AMHR2: variants seen among roughly 807,000 people sequenced by gnomAD.
AMHR2 encodes the protein anti-Muellerian hormone type-2 receptor.
A neutral mutation model predicts 61.4 loss-of-function variants in AMHR2; 36 were observed. The ratio of observed to expected loss-of-function variants is 0.59; its 90% CI spans 0.45 to 0.77. The LOEUF is 0.77. Among genes scored for constraint, AMHR2 ranks in the 30% least tolerant of loss-of-function variants. The probability of loss-of-function intolerance (pLI) is 0.00; values close to 1 mark genes in which losing one functional copy is unlikely to be tolerated. For missense variants in AMHR2, 638 were observed against 714.6 expected (o/e 0.89, Z 1.22); for synonymous variants, 258 against 279.4 (o/e 0.92, Z 0.76).
chr12:53,431,598 G>T lies in AMHR2; in HGVS notation c.*125G>T. The T allele has an allele frequency of 8.1e-7, 1 of 1,236,466 alleles. No individual in the cohort carries two copies. Among genetic ancestry groups the T allele is most frequent in the Non-Finnish European group, 1.2e-6 (1 of 860,924 alleles). The allele number at this position is 1,236,466 out of a possible 1,614,324, so 76.6% of individuals were successfully genotyped here. ...CCTTGGATTCTTCTGCGGGCATCCA[G>T]TCCACATCAGTTCTGACCAGTGACT... On this transcript the variant is annotated 3_prime_UTR_variant, in exon 11 of 11. Coordinates refer to ENST00000257863, the MANE Select transcript of AMHR2 (RefSeq NM_020547.3).
rs967541474 is a variant in AMHR2 at position 53,424,728 on chromosome 12, G to A, written c.252G>A (p.Glu84=). ...CATCAGGATGCCGAGACAGTGATGA[G>A]CCAGGCTGTGAGTCCCTCCACTGTG... ...VEMQGCRDSD[E]PGCESLHCDP... The change falls in exon 3 of 11, where the codon GAG becomes GAA. Residue 84 remains glutamate, a synonymous_variant. Coordinates refer to ENST00000257863, the MANE Select transcript of AMHR2 (RefSeq NM_020547.3). 5.6e-6 allele frequency: 9 copies of A among 1,613,596 alleles called. No individual in the cohort carries two copies. In the Admixed American group the frequency reaches 1.3e-4, roughly 24 times the overall value.
At chr12:53,425,075 T>G (rs1270535174) in intron 3 of AMHR2, 90 bp from the exon 4 acceptor site, 35 of 1,598,978 alleles carry the variant, frequency 2.2e-5, no homozygotes, top group Non-Finnish European at 2.9e-5. Flanking sequence ...AGGGTGGGGG[T>G]GGGTTGAGAC....
chr12:53,429,725 T>C (rs1198219548), intron 8 of AMHR2, 100 bp downstream of exon 8: 94 of 1,598,354 alleles, frequency 5.9e-5, no homozygotes, highest in Non-Finnish European at 7.8e-5. Context: ...ACCTATAGCA[T>C]TTGGGACATT....
In AMHR2 at chr12:53,425,247, T is replaced by C. The variant is rs748624274; in HGVS notation, c.502+5T>C. The C allele has an allele frequency of 4.3e-6, 7 of 1,613,412 alleles. No individual in the cohort carries two copies. In the East Asian group the frequency reaches 1.1e-4, roughly 26 times the overall value. On this transcript the variant is annotated splice_donor_5th_base_variant and intron_variant, in intron 4 of 10. Coordinates refer to ENST00000257863, the MANE Select transcript of AMHR2 (RefSeq NM_020547.3). Reference sequence around the variant, plus strand: ...TGCTGGGCAGCATCATCTTGGGTACTAATCCACCCCATCCCTCCCTTGTGA... The same window carrying C: ...TGCTGGGCAGCATCATCTTGGGTACCAATCCACCCCATCCCTCCCTTGTGA...
At chr12:53,428,759 G>A (rs1939833570) in intron 6 of AMHR2, 137 bp from the exon 7 acceptor site, 1 of 713,390 alleles carries the variant, frequency 1.4e-6, no homozygotes, top group Non-Finnish European at 2.5e-6. Context: ...TCTACCTATT[G>A]TCTTGGCCAG....
In AMHR2 at chr12:53,424,754, ACCCAAGTC is replaced by A. The variant is rs761339798; in HGVS notation, c.282_289del (p.Arg97ProfsTer15). On this transcript the variant is annotated frameshift_variant, in exon 3 of 11. Coordinates refer to ENST00000257863, the MANE Select transcript of AMHR2 (RefSeq NM_020547.3). LOFTEE classifies it high-confidence loss of function. The stretch of plus-strand genomic sequence containing the variant: ...CCAGGCTGTGAGTCCCTCCACTGTG[ACCCAAGTC>A]CCCGAGCCCACCCCAGCCCTGGCTC... 3.7e-6 allele frequency: 6 copies of A among 1,613,292 alleles called. No homozygotes were observed. In the African/African-American group the frequency reaches 8.0e-5, roughly 22 times the overall value.
In AMHR2 at chr12:53,431,563, C is replaced by T; in HGVS notation, c.*90C>T. On this transcript the variant is annotated 3_prime_UTR_variant, in exon 11 of 11. Transcript: ENST00000257863. Reference sequence around the variant, plus strand: ...GTCTGCCTCATCACTGCATTTCCCACCTGCCGAATCCTTGGATTCTTCTGC... The same window carrying T: ...GTCTGCCTCATCACTGCATTTCCCATCTGCCGAATCCTTGGATTCTTCTGC... 6.5e-7 allele frequency: 1 copy of T among 1,529,110 alleles called. No individual in the cohort carries two copies. 94.7% of individuals were successfully genotyped at this position (1,529,110 alleles called of 1,614,324 possible). A position where few individuals can be genotyped will look rare whatever the true frequency, so the allele number is the denominator to read the frequency against.
Position 53,431,565 on chromosome 12 carries a change from T to G in AMHR2, c.*92T>G. ...CTGCCTCATCACTGCATTTCCCACC[T>G]GCCGAATCCTTGGATTCTTCTGCGG... On this transcript the variant is annotated 3_prime_UTR_variant, in exon 11 of 11. Transcript: ENST00000257863. 8.5e-6 allele frequency: 13 copies of G among 1,531,594 alleles called. No homozygotes were observed. The highest frequency in any genetic ancestry group is 1.1e-5 in the Non-Finnish European group (12 of 1,113,100). The allele number at this position is 1,531,594 out of a possible 1,614,324, so 94.9% of individuals were successfully genotyped here. A position where few individuals can be genotyped will look rare whatever the true frequency, so the allele number is the denominator to read the frequency against.
Position 53,425,760 on chromosome 12 carries a change from C to A in AMHR2, c.693C>A (p.Ala231=), listed in dbSNP as rs746584163. ...QLQGKLVAIK[A]FPPRSVAQFQ... Reference sequence around the variant, plus strand: ...AAGGAAAACTGGTTGCCATCAAGGCCTTCCCACCGAGGTCTGTGGCTCAGT... The same window carrying A: ...AAGGAAAACTGGTTGCCATCAAGGCATTCCCACCGAGGTCTGTGGCTCAGT... Residue 231 remains alanine (A), a synonymous_variant, in exon 6 of 11, where the codon GCC becomes GCA. Transcript: ENST00000257863. The A allele has an allele frequency of 3.7e-6, 6 of 1,614,148 alleles. No individual in the cohort carries two copies. Among genetic ancestry groups the A allele is most frequent in the Middle Eastern group, 1.6e-4 (1 of 6,062 alleles).
In AMHR2 at chr12:53,425,507, A is replaced by G. The variant is rs1939492917; in HGVS notation, c.555A>G (p.Pro185=). 6.2e-7 allele frequency: 1 copy of G among 1,614,104 alleles called. No homozygotes were observed. Among genetic ancestry groups the G allele is most frequent in the Non-Finnish European group, 8.5e-7 (1 of 1,180,026 alleles). Residue 185 remains proline (P), a synonymous_variant, in exon 5 of 11, where the codon CCA becomes CCG. Transcript: ENST00000257863. ...YRVRGEPVPE[P]RPDSGRDWSV... ...TGCGAGGTGAGCCAGTGCCAGAGCCAAGGCCAGACTCAGGCAGGGACTGGA... is the reference window on the plus strand; with the variant it reads ...TGCGAGGTGAGCCAGTGCCAGAGCCGAGGCCAGACTCAGGCAGGGACTGGA...
At chr12:53,427,273 A>G (rs1398022632) in intron 6 of AMHR2, among the ~76,000 whole-genome samples, 1 of 152,230 alleles carries the variant, frequency 6.6e-6, no homozygotes, top group Admixed American at 6.5e-5. Context: ...AGCAACAAGA[A>G]GAGGAAAAGG....
rs1261717710 is a variant in AMHR2, at chr12:53,425,730, G to A, written c.663G>A (p.Gln221=). The change falls in exon 6 of 11, where the codon CAG becomes CAA. Residue 221 remains glutamine (Q), a synonymous_variant. Coordinates refer to ENST00000257863, the MANE Select transcript of AMHR2 (RefSeq NM_020547.3). The stretch of plus-strand genomic sequence containing the variant: ...GTCATGCAGTGGTTTGGGCCGGGCA[G>A]CTGCAAGGAAAACTGGTTGCCATCA... ...EGGHAVVWAG[Q]LQGKLVAIKA... is the part of the protein sequence containing the mutation. The A allele has an allele frequency of 1.9e-6, 3 of 1,614,088 alleles. No individual in the cohort carries two copies. Among genetic ancestry groups the A allele is most frequent in the Non-Finnish European group, 2.5e-6 (3 of 1,180,036 alleles).
Position 53,430,140 on chromosome 12 carries a change from C to T in AMHR2, c.1289-6C>T. ...ACTGATACCCAGCCCCTCTACCTTC[C>T]TCCAGACAGCAGTCCACCACCCTTC... On this transcript the variant is annotated splice_region_variant and splice_polypyrimidine_tract_variant and intron_variant, in intron 9 of 10. Coordinates refer to ENST00000257863, the MANE Select transcript of AMHR2 (RefSeq NM_020547.3). 6.2e-7 allele frequency: 1 copy of T among 1,614,194 alleles called. No homozygotes were observed. The highest frequency in any genetic ancestry group is 8.5e-7 in the Non-Finnish European group (1 of 1,180,022).
At chr12:53,430,884 T>C in intron 10 of AMHR2, 1 of 501,410 alleles carries the variant, frequency 2.0e-6, no homozygotes, top group Non-Finnish European at 3.6e-6. Context: ...TGCAGAAGAC[T>C]CTGGCTCTCT....
At chr12:53,430,473 A>C in intron 10 of AMHR2, 191 bp downstream of exon 10, 1 of 830,362 alleles carries the variant, frequency 1.2e-6, no homozygotes, top group African/African-American at 1.7e-5. Context: ...CCTAAGTCTC[A>C]CACAGTCGAT....
intron 9 of AMHR2, 75 bp from the exon 10 acceptor site, chr12:53,430,071 T>C: frequency 6.2e-7 from 1 of 1,614,092 alleles, no homozygotes; most frequent in Non-Finnish European, 8.5e-7. Flanking sequence ...AGCTCTGCTC[T>C]TCCCTGTCTT....
intron 3 of AMHR2, 65 bp downstream of exon 3, chr12:53,424,965 C>A: frequency 6.4e-7 from 1 of 1,570,908 alleles, no homozygotes; most frequent in Admixed American, 1.7e-5. Context: ...AGAGGTGGAA[C>A]CAGGGCCAGT....
intron 2 of AMHR2, 81 bp downstream of exon 2, chr12:53,424,551 A>G: frequency 6.4e-7 from 1 of 1,565,684 alleles, no homozygotes; most frequent in Non-Finnish European, 8.7e-7. Flanking sequence ...ACCAAGGGGG[A>G]AGGGGAGAAA....
rs774269713 is a variant in AMHR2, at chr12:53,423,929, AGCAAGAT to A, written c.-3_4del. The A allele has an allele frequency of 6.2e-7, 1 of 1,614,160 alleles. No homozygotes were observed. The highest frequency in any genetic ancestry group is 8.5e-7 in the Non-Finnish European group (1 of 1,180,016). Reference sequence around the variant, plus strand: ...TCTCCTTCTGCTGCTGCCATCCTCCAGCAAGATGCTAGGGTCTTTGGGGCTTTGGGCA... The same window carrying A: ...TCTCCTTCTGCTGCTGCCATCCTCCAGCTAGGGTCTTTGGGGCTTTGGGCA... On this transcript the variant is annotated start_lost and 5_prime_UTR_variant, in exon 1 of 11. Coordinates refer to ENST00000257863, the MANE Select transcript of AMHR2 (RefSeq NM_020547.3).
Sources: gnomAD v4.1 joint callset for allele counts (sites outside exome capture counted in the v4.1 genomes callset) on GRCh38, gnomAD v4.1.1 for gene constraint, MANE v1.5 for transcripts, NCBI Gene and HGNC (gene_info 2026-07-23, HGNC 2026-07-21) for gene names.